The following DCC variants were observed in gnomAD, a reference collection of about 807,000 sequenced individuals.
The protein encoded by DCC is DCC netrin 1 receptor.
Under a neutral mutation model 172.5 loss-of-function variants are expected in DCC, and 58 were observed. The ratio of observed to expected loss-of-function variants is 0.34; its 90% CI spans 0.27 to 0.42. The LOEUF is 0.42. Among genes scored for constraint, DCC ranks in the 10% least tolerant of loss-of-function variants. The pLI is 1.00. For missense variants in DCC, 1,740 were observed against 1,791.0 expected (o/e 0.97, Z 0.51); for synonymous variants, 709 against 644.5 (o/e 1.10, Z -1.52).
chr18:52,919,724 A>G (rs184673389), intron 3 of DCC, among the ~76,000 whole-genome samples: 3 of 152,214 alleles, frequency 2.0e-5, no homozygotes, highest in Admixed American at 1.3e-4. Context: ...ATTTTGTTAA[A>G]CAACATGAAT....
chr18:52,564,918 A>T lies in DCC; in HGVS notation c.92-187136A>T, dbSNP rs138457081. ...GGGTACCTAGAGTGTGTTGCTGGAG[A>T]GTAATACTGACTTCAGTAGAAGCCA... On this transcript the variant is annotated intron_variant, in intron 1 of 28. Transcript: ENST00000442544. Among the ~76,000 whole-genome samples, 421 of 152,092 alleles carry T rather than the reference A, an allele frequency of 2.8e-3. 2 individuals carry two copies. The highest frequency in any genetic ancestry group is 3.7e-3 in the Non-Finnish European group (254 of 67,962).
intron 1 of DCC, among the ~76,000 whole-genome samples, chr18:52,481,589 G>A (rs1262373260): frequency 6.6e-6 from 1 of 151,782 alleles, no homozygotes; most frequent in Non-Finnish European, 1.5e-5. Context: ...TTTAAACCAA[G>A]GTTACGTGCA....
chr18:53,397,132 A>G (rs62100016), intron 17 of DCC, among the ~76,000 whole-genome samples, 176 bp from the exon 18 acceptor site: 63,690 of 150,946 alleles, frequency 0.42, 15,175 homozygotes, highest in Non-Finnish European at 0.55. Context: ...ATGTATAATC[A>G]GCCAGCGTGA....
At chr18:52,409,482 A>G (rs1986770511) in intron 1 of DCC, among the ~76,000 whole-genome samples, 1 of 152,128 alleles carries the variant, frequency 6.6e-6, no homozygotes, top group African/African-American at 2.4e-5. Flanking sequence ...ATACTTTCAC[A>G]TTTATTATTC....
At chr18:52,580,255 TTTTG>T (rs964365995) in intron 1 of DCC, among the ~76,000 whole-genome samples, 26 of 152,144 alleles carry the variant, frequency 1.7e-4, no homozygotes, top group African/African-American at 6.0e-4. Flanking sequence ...GAGACTTTTG[TTTTG>T]TTTGTTTTGT....
intron 13 of DCC, among the ~76,000 whole-genome samples, chr18:53,316,899 C>A (rs62097996): frequency 0.3 from 45,418 of 152,174 alleles, 8,674 homozygotes; most frequent in Non-Finnish European, 0.44. Flanking sequence ...CAAACAGAGA[C>A]CATTTGACTT....
At chr18:52,474,780 T>A (rs1989046898) in intron 1 of DCC, among the ~76,000 whole-genome samples, 1 of 152,222 alleles carries the variant, frequency 6.6e-6, no homozygotes, top group Non-Finnish European at 1.5e-5. Flanking sequence ...ATCTGGTTCC[T>A]CCTGTATCAT....
intron 1 of DCC, among the ~76,000 whole-genome samples, chr18:52,717,207 G>A (rs531485226): frequency 6.6e-6 from 1 of 152,116 alleles, no homozygotes; most frequent in Non-Finnish European, 1.5e-5. Flanking sequence ...TTGGTGCAGA[G>A]GGGAATGTGA....
intron 2 of DCC, among the ~76,000 whole-genome samples, chr18:52,871,729 C>T (rs2039322413): frequency 6.6e-6 from 1 of 152,090 alleles, no homozygotes. Context: ...TGGTGACCCT[C>T]TTTGTGACAA....
chr18:53,416,710 C>A (rs1377549185), intron 21 of DCC, among the ~76,000 whole-genome samples: 1 of 152,092 alleles, frequency 6.6e-6, no homozygotes, highest in Non-Finnish European at 1.5e-5. Context: ...ACAGTATTTT[C>A]TCCCTTTTCC....
chr18:52,571,447 A>T (rs1282940856), intron 1 of DCC, among the ~76,000 whole-genome samples: 1 of 151,714 alleles, frequency 6.6e-6, no homozygotes, highest in Non-Finnish European at 1.5e-5. Flanking sequence ...ATTTCCCAGT[A>T]TTCTTGCCCA....
chr18:53,491,131 A>G (rs1420222542), intron 26 of DCC, among the ~76,000 whole-genome samples: 1 of 152,166 alleles, frequency 6.6e-6, no homozygotes, highest in Non-Finnish European at 1.5e-5. Context: ...TGCAGCCAGG[A>G]TCACAGGAGC....
intron 1 of DCC, among the ~76,000 whole-genome samples, chr18:52,601,329 T>G: frequency 6.6e-6 from 1 of 152,126 alleles, no homozygotes; most frequent in East Asian, 1.9e-4. Flanking sequence ...TCTGGAATTT[T>G]GACTCAACTT....
intron 5 of DCC, among the ~76,000 whole-genome samples, chr18:53,049,333 C>A (rs1256901744): frequency 6.6e-6 from 1 of 152,052 alleles, no homozygotes; most frequent in East Asian, 1.9e-4. Flanking sequence ...ATATTTAAGT[C>A]TTTAATCCAT....
chr18:53,273,250 A>C (rs1037181229), intron 12 of DCC, among the ~76,000 whole-genome samples: 1 of 152,152 alleles, frequency 6.6e-6, no homozygotes, highest in African/African-American at 2.4e-5. Context: ...GATTTTTTTC[A>C]TAATATGAAA....
chr18:52,975,089 A>G (rs1287081597), intron 5 of DCC, among the ~76,000 whole-genome samples: 1 of 152,202 alleles, frequency 6.6e-6, no homozygotes, highest in Non-Finnish European at 1.5e-5. Flanking sequence ...GACCCTAAAG[A>G]AAAAAGTCCA....
chr18:53,471,846 T>G (rs1332869597), intron 25 of DCC, among the ~76,000 whole-genome samples: 1 of 152,172 alleles, frequency 6.6e-6, no homozygotes, highest in Non-Finnish European at 1.5e-5. Context: ...TTCTCTATTA[T>G]GCTTCATTTT....
chr18:53,344,105 A>G (rs917116988), intron 15 of DCC, among the ~76,000 whole-genome samples: 11 of 151,956 alleles, frequency 7.2e-5, no homozygotes, highest in Admixed American at 1.3e-4. Context: ...TCTATTATCT[A>G]TCTATTTTAT....
chr18:52,505,133 G>C (rs544930319), intron 1 of DCC, among the ~76,000 whole-genome samples: 3 of 152,128 alleles, frequency 2.0e-5, no homozygotes, highest in Non-Finnish European at 4.4e-5. Context: ...GCTGTAAGAG[G>C]CAAACCTGTG....
Sources: gnomAD v4.1 joint callset for allele counts (sites outside exome capture counted in the v4.1 genomes callset) on GRCh38, gnomAD v4.1.1 for gene constraint, MANE v1.5 for transcripts, NCBI Gene and HGNC (gene_info 2026-07-23, HGNC 2026-07-21) for gene names.